NPR2: variants seen among roughly 807,000 people sequenced by gnomAD.
NPR2 encodes the protein atrial natriuretic peptide receptor 2.
NPR2 carries 49 observed loss-of-function variants against 120.7 expected under a neutral mutation model. The ratio of observed to expected loss-of-function variants is 0.41; its 90% CI spans 0.32 to 0.52. NPR2 has a LOEUF of 0.52. NPR2 is among the 20% of genes least tolerant of loss of function. NPR2 has a pLI of 0.36. For missense variants in NPR2, 931 were observed against 1,362.9 expected (o/e 0.68, Z 4.99); for synonymous variants, 484 against 519.8 (o/e 0.93, Z 0.94).
rs1293862736 is a variant in NPR2, at chr9:35,802,630, T to C, written c.1815+23T>C. On this transcript the variant is annotated intron_variant, in intron 11 of 21. Transcript: ENST00000342694. The surrounding 1 kb of genome is among the most constrained non-coding windows in gnomAD (Gnocchi z 4.2). ...CAGGTGAGGGATAGGTGTAGGAGATTATGGCAGGGGTGGGAAGGATAGACC... is the reference window on the plus strand; with the variant it reads ...CAGGTGAGGGATAGGTGTAGGAGATCATGGCAGGGGTGGGAAGGATAGACC... 1 of 1,504,982 alleles carries C rather than the reference T, an allele frequency of 6.6e-7. No homozygotes were observed. The highest frequency in any genetic ancestry group is 1.7e-5 in the Admixed American group (1 of 59,896). The allele number at this position is 1,504,982 out of a possible 1,614,324, so 93.2% of individuals were successfully genotyped here.
In NPR2 at chr9:35,802,545, G is replaced by A. The variant is rs746601736; in HGVS notation, c.1753G>A (p.Ala585Thr). 6.2e-6 allele frequency: 10 copies of A among 1,609,776 alleles called. No homozygotes were observed. The highest frequency in any genetic ancestry group is 7.7e-6 in the Non-Finnish European group (9 of 1,176,106). Residue 585 changes from alanine to threonine, a missense_variant, in exon 11 of 22, where the codon GCC becomes ACC. Physicochemically the swap from Ala to Thr is moderately conservative, Grantham distance 58 (BLOSUM62 0). This residue lies in a region of NPR2 where 681 missense variants were observed against 974.3 expected (regional missense o/e 0.70). Transcript: ENST00000342694. The surrounding 1 kb of genome is among the most constrained non-coding windows in gnomAD (Gnocchi z 4.2). ...CAACCATCTCACTCGCTTCATTGGC[G>A]CCTGCATAGACCCTCCCAACATTTG... ...QFNHLTRFIG[A>T]CIDPPNICIV...
rs1828351528 is a variant in NPR2 at position 35,805,817 on chromosome 9, TTCC to T, written c.2048-10_2048-8del. The T allele has an allele frequency of 1.2e-6, 2 of 1,613,894 alleles. No homozygotes were observed. Among genetic ancestry groups the T allele is most frequent in the South Asian group, 1.1e-5 (1 of 91,076 alleles). The stretch of plus-strand genomic sequence containing the variant: ...ATTTCGGGGGACCTGGCCAGCCGGT[TTCC>T]TCTTTTCAGAGAAGCTGTGGACTGC... On this transcript the variant is annotated splice_polypyrimidine_tract_variant and intron_variant, in intron 13 of 21. Coordinates refer to ENST00000342694, the MANE Select transcript of NPR2 (RefSeq NM_003995.4). This position sits in a 1 kb window ranked among gnomAD's most constrained non-coding sequence, Gnocchi z 4.9.
rs1828587278 is a variant in NPR2 at position 35,808,968 on chromosome 9, C to T, written c.2986+115C>T. 2.1e-6 allele frequency: 2 copies of T among 935,198 alleles called. No homozygotes were observed. The highest frequency in any genetic ancestry group is 1.8e-6 in the Non-Finnish European group (1 of 567,730). The allele number at this position is 935,198 out of a possible 1,614,324, so 57.9% of individuals were successfully genotyped here. A position where few individuals can be genotyped will look rare whatever the true frequency, so the allele number is the denominator to read the frequency against. ...AGACCACAGTTCCTTAGTGTCGCAT[C>T]CTCGGGCATATTTTGGTTCTAATAG... On this transcript the variant is annotated intron_variant, in intron 20 of 21. Coordinates refer to ENST00000342694, the MANE Select transcript of NPR2 (RefSeq NM_003995.4). This position sits in a 1 kb window ranked among gnomAD's most constrained non-coding sequence, Gnocchi z 4.0.
At chr9:35,799,785 C>G in intron 3 of NPR2, 54 bp downstream of exon 3, 6 of 1,482,030 alleles carry the variant, frequency 4.0e-6, no homozygotes, top group Non-Finnish European at 5.7e-6. Context: ...GGAAGGGCTT[C>G]TCTCCCAAAC....
rs531644254 is a variant in NPR2 at position 35,791,619 on chromosome 9, G to C, written c.-790G>C. Among the ~76,000 whole-genome samples the C allele has an allele frequency of 1.4e-5, 2 of 146,166 alleles. No homozygotes were observed. Among genetic ancestry groups the C allele is most frequent in the African/African-American group, 2.5e-5 (1 of 39,978 alleles). ...AGTCGCACTCGGCCGCCGGCGCAGC[G>C]AGCGGAGACGGGCCGGGCCGAGGCG... On this transcript the variant is annotated 5_prime_UTR_variant, in exon 1 of 22. Coordinates refer to ENST00000342694, the MANE Select transcript of NPR2 (RefSeq NM_003995.4).
chr9:35,792,330 G>GT lies in NPR2; in HGVS notation c.-79_-78insT. On this transcript the variant is annotated 5_prime_UTR_variant, in exon 1 of 22. Coordinates refer to ENST00000342694, the MANE Select transcript of NPR2 (RefSeq NM_003995.4). ...CCTGGCCCTCTTCCCCAGGCTCCAG[G>GT]CTGGGGGGTGCTCGCGTCTCCCCTG... The GT allele has an allele frequency of 6.8e-7, 1 of 1,465,006 alleles. No homozygotes were observed. Among genetic ancestry groups the GT allele is most frequent in the Non-Finnish European group, 9.2e-7 (1 of 1,085,234 alleles). 90.8% of individuals were successfully genotyped at this position (1,465,006 alleles called of 1,614,324 possible). A position where few individuals can be genotyped will look rare whatever the true frequency, so the allele number is the denominator to read the frequency against.
Position 35,801,181 on chromosome 9 carries a change from A to G in NPR2, c.1436+27A>G, listed in dbSNP as rs774417016. ...TGAGTTCTGGGTTTCTTGCTGACCT[A>G]CTCCCTGCCCCCATTGCCACACAAC... On this transcript the variant is annotated intron_variant, in intron 7 of 21. Coordinates refer to ENST00000342694, the MANE Select transcript of NPR2 (RefSeq NM_003995.4). The G allele has an allele frequency of 4.5e-6, 7 of 1,546,316 alleles. No individual in the cohort carries two copies. The Admixed American group carries it at 6.7e-5, about 15-fold the overall frequency.
Position 35,800,285 on chromosome 9 carries a change from C to T in NPR2, c.1124-104C>T. The T allele has an allele frequency of 7.1e-7, 1 of 1,416,548 alleles. No homozygotes were observed. The highest frequency in any genetic ancestry group is 1.0e-6 in the Non-Finnish European group (1 of 999,980). 87.7% of individuals were successfully genotyped at this position (1,416,548 alleles called of 1,614,324 possible). A position where few individuals can be genotyped will look rare whatever the true frequency, so the allele number is the denominator to read the frequency against. The stretch of plus-strand genomic sequence containing the variant: ...GTGAATATGGCAGAGTTGCCCACAC[C>T]TCAAGATCGGGGAAGGGTAGACTCT... On this transcript the variant is annotated intron_variant, in intron 4 of 21. Coordinates refer to ENST00000342694, the MANE Select transcript of NPR2 (RefSeq NM_003995.4). The surrounding 1 kb of genome is among the most constrained non-coding windows in gnomAD (Gnocchi z 4.7).
chr9:35,792,829 C>G lies in NPR2; in HGVS notation c.421C>G (p.Arg141Gly). Residue 141 changes from arginine to glycine, a missense_variant, in exon 1 of 22, where the codon CGC (arginine) becomes GGC (glycine). Arg to Gly is a moderately radical substitution (Grantham distance 125). This residue lies in a region of NPR2 where 681 missense variants were observed against 974.3 expected (regional missense o/e 0.70). Coordinates refer to ENST00000342694, the MANE Select transcript of NPR2 (RefSeq NM_003995.4). Reference protein sequence around the residue: ...AKNDHYRTLVRTGPSAPKLGE... With the variant: ...AKNDHYRTLVGTGPSAPKLGE... ...GAATGACCATTATCGTACCCTGGTT[C>G]GCACTGGCCCCTCTGCTCCCAAGCT... The G allele has an allele frequency of 6.2e-7, 1 of 1,614,224 alleles. No homozygotes were observed. The highest frequency in any genetic ancestry group is 8.5e-7 in the Non-Finnish European group (1 of 1,180,044).
At chr9:35,807,961 T>G in intron 18 of NPR2, 1 of 569,870 alleles carries the variant, frequency 1.8e-6, no homozygotes, top group Non-Finnish European at 3.1e-6. Flanking sequence ...CTAACATTGT[T>G]TGGCATGTGG....
At chr9:35,794,255 CCTTT>C in intron 2 of NPR2, 152 bp downstream of exon 2, 1 of 727,794 alleles carries the variant, frequency 1.4e-6, no homozygotes, top group East Asian at 2.7e-5. Context: ...CTAGTGTCAC[CCTTT>C]CTTACTTCTC....
rs1828090571 is a variant in NPR2, at chr9:35,800,110, A to C, written c.1076A>C (p.Glu359Ala). The part of the protein sequence containing the change: ...NETIQEGGTR[E>A]DGLRIVEKMQ... ...ACAATACAGGAAGGAGGCACCCGGG[A>C]GGATGGACTTCGAATTGTGGAAAAG... Residue 359 changes from glutamate to alanine, a missense_variant, in exon 4 of 22, where the codon GAG becomes GCG. Physicochemically the swap from Glu to Ala is moderately radical, Grantham distance 107. This residue lies in a region of NPR2 where 681 missense variants were observed against 974.3 expected (regional missense o/e 0.70). Transcript: ENST00000342694. This position sits in a 1 kb window ranked among gnomAD's most constrained non-coding sequence, Gnocchi z 4.7. The C allele has an allele frequency of 7.4e-6, 12 of 1,613,972 alleles. No homozygotes were observed. Among genetic ancestry groups the C allele is most frequent in the Admixed American group, 1.7e-5 (1 of 60,030 alleles).
intron 2 of NPR2, among the ~76,000 whole-genome samples, chr9:35,794,597 G>T (rs1827891345): frequency 6.6e-6 from 1 of 152,176 alleles, no homozygotes; most frequent in Non-Finnish European, 1.5e-5. Context: ...ACCGTATTGT[G>T]ACTTTAATGA....
rs1200029118 is a variant in NPR2, at chr9:35,792,065, A to ATCCCC, written c.-342_-338dup. On this transcript the variant is annotated 5_prime_UTR_variant, in exon 1 of 22. It introduces an in-frame stop codon into an upstream open reading frame of the 5' UTR. Transcript: ENST00000342694. ...CACCCCCACCCCATCCCAGTCCCAGATCCCCTTTTCCTTCTCAGCTTTAGA... is the reference window on the plus strand; with the variant it reads ...CACCCCCACCCCATCCCAGTCCCAGATCCCCTCCCCTTTTCCTTCTCAGCTTTAGA... The ATCCCC allele has an allele frequency of 1.6e-5, 1 of 63,664 alleles. No homozygotes were observed. The highest frequency in any genetic ancestry group is 6.4e-5 in the African/African-American group (1 of 15,512). 3.9% of individuals were successfully genotyped at this position (63,664 alleles called of 1,614,324 possible).
rs1038974261 is a variant in NPR2 at position 35,805,357 on chromosome 9, C to T, written c.1888-154C>T. Among the ~76,000 whole-genome samples, 2 of 152,172 alleles carry T rather than the reference C, an allele frequency of 1.3e-5. No individual in the cohort carries two copies. The highest frequency in any genetic ancestry group is 4.8e-5 in the African/African-American group (2 of 41,442). On this transcript the variant is annotated intron_variant, in intron 12 of 21. Transcript: ENST00000342694. The surrounding 1 kb of genome is among the most constrained non-coding windows in gnomAD (Gnocchi z 4.9). ...ATGACTCTTCTGTTCTTCCTGCTTC[C>T]TTGGGTGGAAACTGCAAAGGATGCC...
At position 35,800,600 on chromosome 9, in the gene NPR2, G is replaced by T; in HGVS notation, c.1219-109G>T. ...GGGATTTGTTTTCTCTGCTGGCACT[G>T]CATCCTGGCTGGGTGGTAGGCTGGG... On this transcript the variant is annotated intron_variant, in intron 5 of 21. Coordinates refer to ENST00000342694, the MANE Select transcript of NPR2 (RefSeq NM_003995.4). This position sits in a 1 kb window ranked among gnomAD's most constrained non-coding sequence, Gnocchi z 4.7. 1 of 1,589,874 alleles carries T rather than the reference G, an allele frequency of 6.3e-7. No individual in the cohort carries two copies. The highest frequency in any genetic ancestry group is 8.6e-7 in the Non-Finnish European group (1 of 1,159,240).
intron 17 of NPR2, 42 bp downstream of exon 17, chr9:35,807,188 G>C: frequency 4.3e-6 from 2 of 464,618 alleles, no homozygotes; most frequent in Non-Finnish European, 8.5e-6. Context: ...GGTTGGGTGG[G>C]TAGGGACCTG....
Position 35,809,486 on chromosome 9 carries a change from T to C in NPR2, c.*41T>C, listed in dbSNP as rs1828641400. Reference sequence around the variant, plus strand: ...AAGTCAGATAGTCTTCTGCTGCTGGTACCTGGGTGGGCAATGGCCACCATG... The same window carrying C: ...AAGTCAGATAGTCTTCTGCTGCTGGCACCTGGGTGGGCAATGGCCACCATG... On this transcript the variant is annotated 3_prime_UTR_variant, in exon 22 of 22. Coordinates refer to ENST00000342694, the MANE Select transcript of NPR2 (RefSeq NM_003995.4). This position sits in a 1 kb window ranked among gnomAD's most constrained non-coding sequence, Gnocchi z 4.1. 6 of 1,614,018 alleles carry C rather than the reference T, an allele frequency of 3.7e-6. No homozygotes were observed. The East Asian group carries it at 1.1e-4, about 30-fold the overall frequency.
At chr9:35,804,167 T>C (rs1411836897) in intron 12 of NPR2, among the ~76,000 whole-genome samples, 1 of 152,232 alleles carries the variant, frequency 6.6e-6, no homozygotes, top group African/African-American at 2.4e-5. Flanking sequence ...TTGTATCCTC[T>C]TTCTGTCTCA....
Sources: gnomAD v4.1 joint callset for allele counts (sites outside exome capture counted in the v4.1 genomes callset) on GRCh38, gnomAD v4.1.1 for gene constraint, gnomAD v4.1.1 regional missense constraint, Gnocchi (gnomAD v3.1) non-coding constraint, MANE v1.5 for transcripts, NCBI Gene and HGNC (gene_info 2026-07-23, HGNC 2026-07-21) for gene names.